Variants in FAM228B observed in about 807,000 individuals in gnomAD.
The protein encoded by FAM228B is protein FAM228B.
FAM228B carries 38 observed loss-of-function variants against 42.6 expected under a neutral mutation model. That is an observed-to-expected ratio of 0.89 (90% CI 0.69 to 1.17). The LOEUF is 1.17. Ranked by LOEUF, FAM228B falls within the 50% of genes most tolerant of loss-of-function variation. The pLI is 0.00. For synonymous variants in FAM228B, 109 were observed against 122.3 expected (o/e 0.89, Z 0.72); for missense variants, 344 against 367.3 (o/e 0.94, Z 0.52).
chr2:24,144,174 G>A (rs1435732651), intron 5 of FAM228B, among the ~76,000 whole-genome samples: 1 of 152,108 alleles, frequency 6.6e-6, no homozygotes, highest in African/African-American at 2.4e-5. Context: ...GGGCATGGTG[G>A]CTCATGCCTG....
intron 2 of FAM228B, among the ~76,000 whole-genome samples, chr2:24,092,924 G>GCGCA (rs780530789): frequency 1.1e-4 from 15 of 133,438 alleles, no homozygotes; most frequent in Admixed American, 8.4e-4. Context: ...ATGATTTTAT[G>GCGCA]CACACACACA....
chr2:24,139,224 T>C (rs1666689693), intron 4 of FAM228B, 146 bp from the exon 5 acceptor site: 1 of 425,692 alleles, frequency 2.3e-6, no homozygotes, highest in Non-Finnish European at 4.2e-6. Context: ...ATTTAAAATG[T>C]AGCCTTGTCT....
intron 7 of FAM228B, among the ~76,000 whole-genome samples, chr2:24,152,623 A>G (rs1667050407): frequency 6.6e-6 from 1 of 152,194 alleles, no homozygotes; most frequent in East Asian, 1.9e-4. Context: ...ACCTTCTCCC[A>G]AACAAACAGT....
rs139933189 is a variant in FAM228B, at chr2:24,128,614, G to A, written c.99+4154G>A. ...ATTGGTTAAATTTTCCTATTTCTTT[G>A]TATGCCTGATGATTTTTGATTAAAT... On this transcript the variant is annotated intron_variant, in intron 2 of 10. Transcript: ENST00000615575. Among the ~76,000 whole-genome samples, 828 of 151,348 alleles carry A rather than the reference G, an allele frequency of 5.5e-3. 8 individuals are homozygous for A. The highest frequency in any genetic ancestry group is 0.019 in the African/African-American group (788 of 41,198).
chr2:24,079,429 T>C, intron 1 of FAM228B: 1 of 1,611,970 alleles, frequency 6.2e-7, no homozygotes, highest in Non-Finnish European at 8.5e-7. Context: ...TGTTTTCTTT[T>C]CATTCATCAC....
rs35814067 is a variant in FAM228B at position 24,084,039 on chromosome 2, G to A, written c.-210+3084G>A. On this transcript the variant is annotated intron_variant, in intron 2 of 10. Transcript: ENST00000613899. The surrounding 1 kb of genome is among the most constrained non-coding windows in gnomAD (Gnocchi z 8.4). ...CTTGTTTTGCATGAACAAAGAGGGCGCCCTGGGTTTAGGTCTGGGAAGCCC... is the reference window on the plus strand; with the variant it reads ...CTTGTTTTGCATGAACAAAGAGGGCACCCTGGGTTTAGGTCTGGGAAGCCC... 5.6e-6 allele frequency: 7 copies of A among 1,259,104 alleles called. No individual in the cohort carries two copies. The East Asian group carries it at 1.6e-4, about 29-fold the overall frequency. The allele number at this position is 1,259,104 out of a possible 1,614,324, so 78.0% of individuals were successfully genotyped here.
chr2:24,168,604 C>T (rs1168887204), intron 10 of FAM228B, among the ~76,000 whole-genome samples: 1 of 152,084 alleles, frequency 6.6e-6, no homozygotes, highest in Non-Finnish European at 1.5e-5. Flanking sequence ...ACAGAATAAG[C>T]AATGCTTTTG....
chr2:24,115,382 A>C (rs895339987), intron 3 of FAM228B: 7 of 578,666 alleles, frequency 1.2e-5, no homozygotes, highest in Non-Finnish European at 2.1e-5. Context: ...GCCGATGACC[A>C]ACACTTATTA....
intron 7 of FAM228B, among the ~76,000 whole-genome samples, chr2:24,149,000 T>G (rs1166895528): frequency 6.6e-6 from 1 of 152,248 alleles, no homozygotes; most frequent in African/African-American, 2.4e-5. Flanking sequence ...GTGCATGGTT[T>G]ATTTCACTTA....
At chr2:24,146,464 G>A (rs1394712321) in intron 5 of FAM228B, among the ~76,000 whole-genome samples, 1 of 152,048 alleles carries the variant, frequency 6.6e-6, no homozygotes, top group Non-Finnish European at 1.5e-5. Flanking sequence ...TAAAATTTGG[G>A]AACATATGGT....
In FAM228B at chr2:24,147,076, A is replaced by T; in HGVS notation, c.676A>T (p.Arg226Ter). The T allele has an allele frequency of 6.5e-7, 1 of 1,550,024 alleles. No individual in the cohort carries two copies. Among genetic ancestry groups the T allele is most frequent in the East Asian group, 2.4e-5 (1 of 40,856 alleles). Residue 226 changes from arginine (R) to a stop codon, truncating the protein, a stop_gained, in exon 7 of 11, where the codon AGA becomes TGA. Transcript: ENST00000615575. LOFTEE classifies it high-confidence loss of function. ...AAGATACATAGAAAGTGAATTTTGT[A>T]GAAGGAGAAGGTAATGGTTAATATA... ...PTRYIESEFC[R>*]RRRLKVKVNF...
At chr2:24,081,061 C>G in intron 2 of FAM228B, 1 of 1,594,998 alleles carries the variant, frequency 6.3e-7, no homozygotes, top group Non-Finnish European at 8.6e-7. Flanking sequence ...GTTCTCTTTA[C>G]TTTGCAACTG....
At chr2:24,132,608 T>A (rs1277489501) in intron 2 of FAM228B, among the ~76,000 whole-genome samples, 1 of 152,012 alleles carries the variant, frequency 6.6e-6, no homozygotes, top group African/African-American at 2.4e-5. Flanking sequence ...ATTTATCCAT[T>A]TCTTCTAGAT....
intron 2 of FAM228B, among the ~76,000 whole-genome samples, chr2:24,092,913 C>T (rs1001038520): frequency 2.1e-5 from 3 of 140,832 alleles, no homozygotes; most frequent in African/African-American, 7.8e-5. Context: ...TACACATATA[C>T]ATGATTTTAT....
At position 24,077,602 on chromosome 2, in the gene FAM228B, T is replaced by C. The variant is rs754967963; in HGVS notation, c.-290+633T>C. On this transcript the variant is annotated intron_variant, in intron 1 of 10. Coordinates refer to the FAM228B transcript ENST00000613899. The surrounding 1 kb of genome is among the most constrained non-coding windows in gnomAD (Gnocchi z 5.5). ...CTTCACTGGGGCAGTTCCAGGACGA[T>C]CTTGCCTATGTTCTTGTTGGCCTCC... 1 of 1,611,224 alleles carries C rather than the reference T, an allele frequency of 6.2e-7. No individual in the cohort carries two copies. Among genetic ancestry groups the C allele is most frequent in the Non-Finnish European group, 8.5e-7 (1 of 1,178,288 alleles).
chr2:24,158,983 T>C (rs1421647406), intron 7 of FAM228B, among the ~76,000 whole-genome samples: 1 of 152,208 alleles, frequency 6.6e-6, no homozygotes, highest in East Asian at 1.9e-4. Context: ...CTACTGATGG[T>C]TGAAGCAATC....
intron 2 of FAM228B, among the ~76,000 whole-genome samples, chr2:24,125,814 C>T (rs771660662): frequency 7.2e-5 from 11 of 152,114 alleles, no homozygotes; most frequent in South Asian, 2.1e-4. Context: ...CTGCCCGCCT[C>T]GGCCTCCCAA....
rs1478993153 is a variant in FAM228B, at chr2:24,124,430, G to T, written c.69G>T (p.Trp23Cys). ...CCAAGCTCAAGAGCTCAAAAGAATG[G>T]TTGGAGCCCAAGCCCCTTTGTTTTA... ...TLPKLKSSKE[W>C]LEPKPLCFME... The change falls in exon 2 of 11, where the codon TGG becomes TGT. Residue 23 changes from tryptophan to cysteine, a missense_variant. By Grantham distance (215) the Trp-to-Cys change is radical. Coordinates refer to ENST00000615575, the MANE Select transcript of FAM228B (RefSeq NM_001145710.2). The T allele has an allele frequency of 1.3e-6, 2 of 1,551,648 alleles. No individual in the cohort carries two copies. The highest frequency in any genetic ancestry group is 1.7e-6 in the Non-Finnish European group (2 of 1,146,918).
chr2:24,149,464 CT>C (rs1191762411), intron 7 of FAM228B, among the ~76,000 whole-genome samples: 1 of 151,660 alleles, frequency 6.6e-6, no homozygotes, highest in Non-Finnish European at 1.5e-5. Flanking sequence ...TTTTCTTCTT[CT>C]TTTTTTGAGA....
Sources: gnomAD v4.1 joint callset for allele counts (sites outside exome capture counted in the v4.1 genomes callset) on GRCh38, gnomAD v4.1.1 for gene constraint, Gnocchi (gnomAD v3.1) non-coding constraint, MANE v1.5 for transcripts, NCBI Gene and HGNC (gene_info 2026-07-23, HGNC 2026-07-21) for gene names.